The following MCC variants were observed in gnomAD, a reference collection of about 807,000 sequenced individuals.
MCC encodes the protein colorectal mutant cancer protein.
Under a neutral mutation model 116.2 loss-of-function variants are expected in MCC, and 90 were observed. The observed-to-expected ratio is 0.77, with a 90% CI of 0.65 to 0.92. The LOEUF (loss-of-function observed/expected upper bound fraction) is 0.92. Among genes scored for constraint, MCC ranks in the 40% least tolerant of loss-of-function variants. The pLI is 0.00. For synonymous variants in MCC, 578 were observed against 510.5 expected (o/e 1.13, Z -1.78); for missense variants, 1,516 against 1,312.2 (o/e 1.16, Z -2.40).
At chr5:113,187,029 T>C (rs1761928581) in intron 3 of MCC, among the ~76,000 whole-genome samples, 1 of 152,220 alleles carries the variant, frequency 6.6e-6, no homozygotes, top group South Asian at 2.1e-4. Flanking sequence ...AGGAAAGTTT[T>C]CAGGAAGTGC....
intron 3 of MCC, among the ~76,000 whole-genome samples, chr5:113,165,435 C>CT (rs962598565): frequency 2.8e-4 from 43 of 152,254 alleles, no homozygotes; most frequent in African/African-American, 1.0e-3. Context: ...TGACTTATTC[C>CT]TTTTTTGTCC....
intron 1 of MCC, among the ~76,000 whole-genome samples, chr5:113,460,808 G>A (rs1415932303): frequency 2.0e-5 from 3 of 152,194 alleles, no homozygotes; most frequent in Non-Finnish European, 4.4e-5. Context: ...TGCAACACCT[G>A]ACCGTTTGTC....
At chr5:113,136,893 G>T (rs1156256177) in intron 5 of MCC, among the ~76,000 whole-genome samples, 1 of 152,052 alleles carries the variant, frequency 6.6e-6, no homozygotes, top group Non-Finnish European at 1.5e-5. Flanking sequence ...CCTGTTTTAC[G>T]TTGGGTAACA....
intron 3 of MCC, among the ~76,000 whole-genome samples, chr5:113,264,411 CT>C (rs1765338212): frequency 6.6e-6 from 1 of 152,196 alleles, no homozygotes; most frequent in African/African-American, 2.4e-5. Context: ...AACTTAAAAT[CT>C]TTTCTTCCTC....
intron 14 of MCC, among the ~76,000 whole-genome samples, chr5:113,063,646 T>C (rs934528251): frequency 2.0e-5 from 3 of 152,208 alleles, no homozygotes; most frequent in East Asian, 3.8e-4. Context: ...AAGTGCTTCC[T>C]GGAAATGAAG....
intron 3 of MCC, among the ~76,000 whole-genome samples, chr5:113,326,187 C>A (rs924646380): frequency 1.3e-5 from 2 of 152,114 alleles, no homozygotes; most frequent in Admixed American, 1.3e-4. Context: ...ACAGAAGAAC[C>A]AAGACAGAAC....
rs114977388 is a variant in MCC at position 113,407,441 on chromosome 5, C to A, written c.171-22229G>T. On this transcript the variant is annotated intron_variant, in intron 1 of 18. Transcript: ENST00000408903. The stretch of plus-strand genomic sequence containing the variant: ...CCTCTCTCAGTCTCTACAACTGCAT[C>A]TGCAAAAACTGCAAAAACTGGGACC... Among the ~76,000 whole-genome samples, 312 of 152,262 alleles carry A rather than the reference C, an allele frequency of 2.0e-3. 2 individuals are homozygous for A. The highest frequency in any genetic ancestry group is 7.2e-3 in the African/African-American group (297 of 41,526).
At chr5:113,248,759 G>T (rs1378758816) in intron 3 of MCC, among the ~76,000 whole-genome samples, 1 of 151,620 alleles carries the variant, frequency 6.6e-6, no homozygotes, top group East Asian at 1.9e-4. Context: ...ATTCCCCTCA[G>T]CAGAAACAGG....
chr5:113,073,667 T>TTC (rs1330299613), intron 11 of MCC, among the ~76,000 whole-genome samples: 1 of 151,878 alleles, frequency 6.6e-6, no homozygotes, highest in Non-Finnish European at 1.5e-5. Context: ...TTTTTTTTTT[T>TTC]TTTCTTTTAA....
intron 5 of MCC, among the ~76,000 whole-genome samples, chr5:113,127,275 A>C (rs923803519): frequency 9.2e-5 from 14 of 152,104 alleles, no homozygotes; most frequent in African/African-American, 3.4e-4. Context: ...GGTTGATTCC[A>C]TGTCTTTGCT....
chr5:113,389,694 A>T (rs1169050835), intron 1 of MCC, among the ~76,000 whole-genome samples: 1 of 152,166 alleles, frequency 6.6e-6, no homozygotes, highest in Non-Finnish European at 1.5e-5. Flanking sequence ...TGTTGATGCT[A>T]CGTCAATTCC....
chr5:113,041,669 G>T (rs1164815342), intron 17 of MCC, among the ~76,000 whole-genome samples: 1 of 152,110 alleles, frequency 6.6e-6, no homozygotes, highest in Non-Finnish European at 1.5e-5. Context: ...ACATTTTCTG[G>T]GTGGCAGACT....
At chr5:113,355,961 C>A (rs760578239) in intron 2 of MCC, among the ~76,000 whole-genome samples, 4 of 152,140 alleles carry the variant, frequency 2.6e-5, no homozygotes, top group African/African-American at 9.7e-5. Flanking sequence ...CCAAAGCACT[C>A]CCTGTGCCCA....
chr5:113,450,202 G>C (rs922129239), intron 1 of MCC, among the ~76,000 whole-genome samples: 4 of 148,020 alleles, frequency 2.7e-5, no homozygotes, highest in Non-Finnish European at 5.9e-5. Context: ...ATAAGAAACT[G>C]AGTTGGAGAG....
intron 3 of MCC, among the ~76,000 whole-genome samples, chr5:113,153,765 A>C (rs1157892044): frequency 6.6e-6 from 1 of 152,230 alleles, no homozygotes; most frequent in Non-Finnish European, 1.5e-5. Flanking sequence ...GTGACCCCAC[A>C]TCAGTTTCAG....
chr5:113,355,096 T>C (rs540189533), intron 2 of MCC, among the ~76,000 whole-genome samples: 6 of 152,212 alleles, frequency 3.9e-5, no homozygotes, highest in Non-Finnish European at 7.4e-5. Flanking sequence ...AAAATCCTAA[T>C]TCGCATTTTG....
chr5:113,246,263 G>A (rs1260978809), intron 3 of MCC, among the ~76,000 whole-genome samples: 1 of 152,150 alleles, frequency 6.6e-6, no homozygotes, highest in African/African-American at 2.4e-5. Flanking sequence ...CTAATCAGAG[G>A]TTCAATACAA....
intron 3 of MCC, among the ~76,000 whole-genome samples, chr5:113,200,965 G>A (rs1490884212): frequency 2.0e-5 from 3 of 152,192 alleles, no homozygotes; most frequent in African/African-American, 4.8e-5. Flanking sequence ...TCTGCCATAG[G>A]TGATCTGCAG....
intron 1 of MCC, among the ~76,000 whole-genome samples, chr5:113,401,354 T>G (rs1292042076): frequency 6.6e-6 from 1 of 152,108 alleles, no homozygotes; most frequent in Middle Eastern, 3.2e-3. Flanking sequence ...GGAGTAAAGG[T>G]AGAAGATAAA....
Sources: gnomAD v4.1 joint callset for allele counts (sites outside exome capture counted in the v4.1 genomes callset) on GRCh38, gnomAD v4.1.1 for gene constraint, MANE v1.5 for transcripts, NCBI Gene and HGNC (gene_info 2026-07-23, HGNC 2026-07-21) for gene names.